The following SLC6A2 variants were observed in gnomAD, a reference collection of about 807,000 sequenced individuals.
SLC6A2 encodes the protein sodium-dependent noradrenaline transporter.
SLC6A2 carries 26 observed loss-of-function variants against 71.7 expected under a neutral mutation model. The ratio of observed to expected loss-of-function variants is 0.36; its 90% CI spans 0.27 to 0.50. SLC6A2 has a LOEUF of 0.50. Among genes scored for constraint, SLC6A2 ranks in the 20% least tolerant of loss-of-function variants. SLC6A2 has a pLI of 0.96. For missense variants in SLC6A2, 581 were observed against 803.9 expected, an observed-to-expected ratio of 0.72 and a Z score of 3.35; for synonymous variants, 363 against 337.9, an observed-to-expected ratio of 1.07 and a Z score of -0.82.
At chr16:55,668,561 G>C (rs1276524939) in intron 2 of SLC6A2, among the ~76,000 whole-genome samples, 2 of 152,186 alleles carry the variant, frequency 1.3e-5, no homozygotes, top group African/African-American at 2.4e-5. Context: ...TGCGTGGAAA[G>C]GAGCTGGTGT....
intron 3 of SLC6A2, among the ~76,000 whole-genome samples, chr16:55,671,327 C>G (rs1964903744): frequency 6.6e-6 from 1 of 152,088 alleles, no homozygotes; most frequent in South Asian, 2.1e-4. Flanking sequence ...CGATCCAGCT[C>G]CTAACGTGGC....
chr16:55,706,186 CTGTG>C lies in SLC6A2; in HGVS notation c.*3842_*3845del, dbSNP rs1966095301. 2 of 152,164 alleles carry C rather than the reference CTGTG, an allele frequency of 1.3e-5. No homozygotes were observed. The highest frequency in any genetic ancestry group is 2.1e-4 in the South Asian group (1 of 4,830). The allele number at this position is 152,164 out of a possible 1,614,324, so 9.4% of individuals were successfully genotyped here. ...AGAATAATAAATAATGTTTCCTGGG[CTGTG>C]TATCTGGTAGCAGAGTTCTGAATGC... On this transcript the variant is annotated 3_prime_UTR_variant, in exon 15 of 15. Transcript: ENST00000568943.
At chr16:55,673,441 A>G (rs762679543) in intron 4 of SLC6A2, among the ~76,000 whole-genome samples, 17 of 152,198 alleles carry the variant, frequency 1.1e-4, no homozygotes, top group Non-Finnish European at 1.8e-4. Context: ...AAATGTCTTG[A>G]TTCTCATCAT....
intron 14 of SLC6A2, 41 bp downstream of exon 14, chr16:55,701,975 C>A: frequency 1.3e-6 from 2 of 1,482,796 alleles, no homozygotes; most frequent in African/African-American, 1.4e-5. Context: ...ATTACAAGGG[C>A]GGGCCCTGGC....
rs1366753435 is a variant in SLC6A2, at chr16:55,702,912, G to T, written c.*566G>T. The T allele has an allele frequency of 1.0e-6, 1 of 989,858 alleles. No individual in the cohort carries two copies. Among genetic ancestry groups the T allele is most frequent in the Non-Finnish European group, 1.2e-6 (1 of 832,688 alleles). The allele number at this position is 989,858 out of a possible 1,614,324, so 61.3% of individuals were successfully genotyped here. On this transcript the variant is annotated 3_prime_UTR_variant, in exon 15 of 15. Coordinates refer to ENST00000568943, the MANE Select transcript of SLC6A2 (RefSeq NM_001172501.3). Reference sequence around the variant, plus strand: ...TAGATTTATTTGTCTCTAAAATGAAGTCAGTGGATAGATGCTTTGAGGGAT... The same window carrying T: ...TAGATTTATTTGTCTCTAAAATGAATTCAGTGGATAGATGCTTTGAGGGAT...
rs757554109 is a variant in SLC6A2, at chr16:55,656,816, G to A, written c.122G>A (p.Gly41Asp). The A allele has an allele frequency of 1.1e-5, 18 of 1,613,398 alleles. No individual in the cohort carries two copies. The highest frequency in any genetic ancestry group is 4.5e-5 in the East Asian group (2 of 44,818). Residue 41 changes from glycine to aspartate, a missense_variant, in exon 2 of 15, where the codon GGC becomes GAC. By Grantham distance (94) the Gly-to-Asp change is moderately conservative. Coordinates refer to ENST00000568943, the MANE Select transcript of SLC6A2 (RefSeq NM_001172501.3). This position sits in a 1 kb window ranked among gnomAD's most constrained non-coding sequence, Gnocchi z 4.5. ...CTGCTGGTGGTGAAGGAGCGCAACG[G>A]CGTCCAGTGCCTGCTGGCGCCCCGC... Reference protein sequence around the residue: ...AELLVVKERNGVQCLLAPRDG... With the variant: ...AELLVVKERNDVQCLLAPRDG...
intron 5 of SLC6A2, among the ~76,000 whole-genome samples, chr16:55,688,121 T>C (rs1301903428): frequency 1.3e-5 from 2 of 152,236 alleles, no homozygotes; most frequent in African/African-American, 4.8e-5. Flanking sequence ...GACATTACTG[T>C]GCTCTGTCTT....
intron 13 of SLC6A2, among the ~76,000 whole-genome samples, chr16:55,700,539 T>A (rs563390960): frequency 2.6e-4 from 39 of 152,312 alleles, no homozygotes; most frequent in African/African-American, 9.1e-4. Context: ...TAGCACAGTG[T>A]CTGGCGCACA....
intron 6 of SLC6A2, 102 bp downstream of exon 6, chr16:55,692,154 C>G: frequency 3.0e-6 from 4 of 1,347,166 alleles, no homozygotes; most frequent in Non-Finnish European, 3.2e-6. Flanking sequence ...CACAAATGTG[C>G]AGTGTAGCCT....
chr16:55,704,028 C>T lies in SLC6A2; in HGVS notation c.*1682C>T, dbSNP rs1456737039. The T allele has an allele frequency of 6.5e-6, 1 of 154,032 alleles. No homozygotes were observed. Among genetic ancestry groups the T allele is most frequent in the East Asian group, 1.9e-4 (1 of 5,204 alleles). 9.5% of individuals were successfully genotyped at this position (154,032 alleles called of 1,614,324 possible). ...CTGAGACAGCCCAGGTGGCAGGTGT[C>T]TTGGAGCCCTGTGAACAGTGAGGCT... On this transcript the variant is annotated 3_prime_UTR_variant, in exon 15 of 15. Transcript: ENST00000568943.
chr16:55,669,792 C>CA, intron 3 of SLC6A2, 96 bp downstream of exon 3: 5 of 1,367,192 alleles, frequency 3.7e-6, no homozygotes, highest in East Asian at 2.4e-5. Flanking sequence ...AGGTAGACCT[C>CA]CTGTCATGTG....
chr16:55,661,552 C>G (rs191872662), intron 2 of SLC6A2, among the ~76,000 whole-genome samples: 79 of 152,204 alleles, frequency 5.2e-4, no homozygotes, highest in African/African-American at 1.9e-3. Flanking sequence ...GCATGCTAGA[C>G]TTAGGAGTGG....
intron 4 of SLC6A2, among the ~76,000 whole-genome samples, chr16:55,676,171 TGTC>T (rs1336960205): frequency 1.3e-5 from 2 of 152,206 alleles, no homozygotes; most frequent in Non-Finnish European, 2.9e-5. Context: ...GGTCTGCAGT[TGTC>T]GTCAAATTCT....
rs996624095 is a variant in SLC6A2, at chr16:55,704,252, A to G, written c.*1906A>G. On this transcript the variant is annotated 3_prime_UTR_variant, in exon 15 of 15. Transcript: ENST00000568943. The stretch of plus-strand genomic sequence containing the variant: ...TCTGCCCAGTGAGGACTGCAGGGCT[A>G]TAGCTTCTATCTCCCCATTTCCCAG... 1.3e-5 allele frequency: 2 copies of G among 152,322 alleles called. No homozygotes were observed. The highest frequency in any genetic ancestry group is 3.9e-4 in the East Asian group (2 of 5,184). The allele number at this position is 152,322 out of a possible 1,614,324, so 9.4% of individuals were successfully genotyped here. A position where few individuals can be genotyped will look rare whatever the true frequency, so the allele number is the denominator to read the frequency against.
rs1323412125 is a variant in SLC6A2 at position 55,703,145 on chromosome 16, A to T, written c.*799A>T. ...GGAGGCCACGTGGCAAGCCACATCT[A>T]CTGAGGCCTCATGCTGCTCTTGCTC... is the stretch of plus-strand genomic sequence containing the variant. On this transcript the variant is annotated 3_prime_UTR_variant, in exon 15 of 15. Transcript: ENST00000568943. 1 of 985,624 alleles carries T rather than the reference A, an allele frequency of 1.0e-6. No individual in the cohort carries two copies. Among genetic ancestry groups the T allele is most frequent in the Non-Finnish European group, 1.2e-6 (1 of 830,082 alleles). The allele number at this position is 985,624 out of a possible 1,614,324, so 61.1% of individuals were successfully genotyped here.
Position 55,697,897 on chromosome 16 carries a change from A to T in SLC6A2, c.1261A>T (p.Met421Leu). Residue 421 changes from methionine (M) to leucine (L), a missense_variant and splice_region_variant, in exon 10 of 15, where the codon ATG becomes TTG. By Grantham distance (15) the Met-to-Leu change is conservative (BLOSUM62 2). Around this residue, in one of 5 missense-constraint regions of SLC6A2, gnomAD observed 334 missense variants for 449.0 expected, o/e 0.74. Transcript: ENST00000568943. ...CCCCACCCCTCCTGGTTCCCTCCAG[A>T]TGGGAGGCATGGAGGCTGTCATCAC... is the stretch of plus-strand genomic sequence containing the variant. The part of the protein sequence containing the change: ...MLLALGLDSS[M>L]GGMEAVITGL... The T allele has an allele frequency of 1.2e-6, 2 of 1,613,906 alleles. No individual in the cohort carries two copies. Among genetic ancestry groups the T allele is most frequent in the Non-Finnish European group, 1.7e-6 (2 of 1,179,958 alleles).
At chr16:55,695,512 A>G (rs1341391745) in intron 8 of SLC6A2, 110 bp downstream of exon 8, 6 of 1,288,370 alleles carry the variant, frequency 4.7e-6, no homozygotes, top group South Asian at 2.4e-5. Flanking sequence ...TGGGTTGTCC[A>G]TGGAGGTGTC....
chr16:55,660,049 A>G (rs1596943302), intron 2 of SLC6A2, among the ~76,000 whole-genome samples: 1 of 152,188 alleles, frequency 6.6e-6, no homozygotes, highest in South Asian at 2.1e-4. Flanking sequence ...CTTTAGACAA[A>G]TGCTCTAAAG....
chr16:55,675,341 C>T (rs1313823405), intron 4 of SLC6A2, among the ~76,000 whole-genome samples: 1 of 152,216 alleles, frequency 6.6e-6, no homozygotes, highest in East Asian at 1.9e-4. Context: ...CAGAACTCCA[C>T]CCTCAGGGCA....
Sources: gnomAD v4.1 joint callset for allele counts (sites outside exome capture counted in the v4.1 genomes callset) on GRCh38, gnomAD v4.1.1 for gene constraint, gnomAD v4.1.1 regional missense constraint, Gnocchi (gnomAD v3.1) non-coding constraint, MANE v1.5 for transcripts, NCBI Gene and HGNC (gene_info 2026-07-23, HGNC 2026-07-21) for gene names.